The following C11orf65 variants were observed in gnomAD, a reference collection of about 807,000 sequenced individuals.
C11orf65 encodes the protein chromosome 11 open reading frame 65, also known as protein MFI.
A neutral mutation model predicts 35.3 loss-of-function variants in C11orf65; 38 were observed. The observed-to-expected ratio is 1.08, with a 90% CI of 0.83 to 1.41. The LOEUF (loss-of-function observed/expected upper bound fraction) is 1.41. C11orf65 is among the 40% of genes most tolerant of loss of function. C11orf65 has a pLI of 0.00. For synonymous variants in C11orf65, 105 were observed against 114.4 expected (o/e 0.92, Z 0.53); for missense variants, 370 against 367.1 (o/e 1.01, Z -0.06).
rs2085314349 is a variant in C11orf65, at chr11:108,322,577, T to C, written c.641-13506A>G. Among the ~76,000 whole-genome samples, 3 of 152,344 alleles carry C rather than the reference T, an allele frequency of 2.0e-5. No homozygotes were observed. In the South Asian group the frequency reaches 6.2e-4, roughly 32 times the overall value. ...GCTTCTTATAATGGTGAGAGGGAAA[T>C]GATCCAGGGATTTTGGAAGATGAAA... On this transcript the variant is annotated intron_variant, in intron 6 of 6. Transcript: ENST00000525729.
At chr11:108,317,232 C>T (rs1421594148) in intron 6 of C11orf65, 4 of 818,318 alleles carry the variant, frequency 4.9e-6, no homozygotes, top group Non-Finnish European at 5.8e-6. Context: ...AGCCACCACA[C>T]CCAGCTGATA....
downstream of C11orf65, among the ~76,000 whole-genome samples, chr11:108,380,900 G>A (rs1009204330): frequency 6.6e-6 from 1 of 152,146 alleles, no homozygotes; most frequent in African/African-American, 2.4e-5. Flanking sequence ...TAAAATGCAT[G>A]ATTTACTATT....
At chr11:108,329,620 A>G (rs2086052121), downstream of C11orf65, among the ~76,000 whole-genome samples, 1 of 152,142 alleles carries the variant, frequency 6.6e-6, no homozygotes, top group South Asian at 2.1e-4. Flanking sequence ...CATGTTGCCC[A>G]GGTTGGTCTC....
chr11:108,322,944 TAA>T (rs2085340944), intron 6 of C11orf65, among the ~76,000 whole-genome samples: 1 of 151,958 alleles, frequency 6.6e-6, no homozygotes, highest in Admixed American at 6.6e-5. Context: ...GATGACAAAG[TAA>T]AGTGTTTTGG....
chr11:108,410,778 G>C (rs2092641471), intron 3 of C11orf65, among the ~76,000 whole-genome samples: 1 of 145,058 alleles, frequency 6.9e-6, no homozygotes, highest in Non-Finnish European at 1.5e-5. Flanking sequence ...GCCTGATCTT[G>C]GCTCACTGAA....
intron 2 of C11orf65, among the ~76,000 whole-genome samples, chr11:108,450,444 A>G (rs2093330896): frequency 6.6e-6 from 1 of 151,832 alleles, no homozygotes; most frequent in African/African-American, 2.4e-5. Flanking sequence ...CTATGCAGCC[A>G]TAAAAAATGA....
At chr11:108,424,962 A>G (rs1320941628) in intron 3 of C11orf65, among the ~76,000 whole-genome samples, 1 of 152,234 alleles carries the variant, frequency 6.6e-6, no homozygotes, top group Non-Finnish European at 1.5e-5. Flanking sequence ...ACCAATGAGA[A>G]CAAAGACACA....
At chr11:108,369,921 C>T (rs2091506759) in intron 2 of C11orf65, among the ~76,000 whole-genome samples, 1 of 152,102 alleles carries the variant, frequency 6.6e-6, no homozygotes, top group African/African-American at 2.4e-5. Context: ...GATGAACTGC[C>T]TGTACGTATT....
At chr11:108,381,270 T>G (rs1404723560), downstream of C11orf65, among the ~76,000 whole-genome samples, 2 of 152,182 alleles carry the variant, frequency 1.3e-5, no homozygotes, top group Admixed American at 1.3e-4. Context: ...GTGCTTCTTG[T>G]TCCTACAAGT....
chr11:108,388,379 T>C lies in C11orf65; in HGVS notation c.732-2404A>G, dbSNP rs2092065510. Among the ~76,000 whole-genome samples the C allele has an allele frequency of 2.0e-5, 3 of 152,356 alleles. No homozygotes were observed. In the South Asian group the frequency reaches 6.2e-4, roughly 32 times the overall value. On this transcript the variant is annotated intron_variant, in intron 7 of 8. Coordinates refer to ENST00000393084, the MANE Select transcript of C11orf65 (RefSeq NM_152587.5). Reference sequence around the variant, plus strand: ...GATGAAAGCACTACCATGCTGTTTATATCACAGAGCTCATCTTTCTCACGA... The same window carrying C: ...GATGAAAGCACTACCATGCTGTTTACATCACAGAGCTCATCTTTCTCACGA...
intron 2 of C11orf65, among the ~76,000 whole-genome samples, chr11:108,360,464 G>A (rs1400269400): frequency 8.0e-6 from 1 of 124,234 alleles, no homozygotes; most frequent in South Asian, 3.1e-4. Context: ...GCATCATTCT[G>A]ATACCAAAGC....
intron 6 of C11orf65, chr11:108,325,579 T>C: frequency 6.6e-7 from 1 of 1,508,650 alleles, no homozygotes; most frequent in Non-Finnish European, 9.1e-7. Flanking sequence ...ATCTTACCTC[T>C]TGACTTTCCT....
At chr11:108,447,180 A>C (rs1378591897) in intron 2 of C11orf65, among the ~76,000 whole-genome samples, 1 of 152,152 alleles carries the variant, frequency 6.6e-6, no homozygotes, top group Non-Finnish European at 1.5e-5. Context: ...ACACAATAAT[A>C]ATGGGAGACT....
In C11orf65 at chr11:108,438,152, A is replaced by C. The variant is rs1043236586; in HGVS notation, c.82-6314T>G. ...AGGGTTTCAAAACCATTCAATGAAGAGGACAGTATTTTCAACAAATGTATC... is the reference window on the plus strand; with the variant it reads ...AGGGTTTCAAAACCATTCAATGAAGCGGACAGTATTTTCAACAAATGTATC... On this transcript the variant is annotated intron_variant, in intron 2 of 8. Coordinates refer to ENST00000393084, the MANE Select transcript of C11orf65 (RefSeq NM_152587.5). 7.2e-5 allele frequency among the ~76,000 whole-genome samples: 11 copies of C among 152,326 alleles called. No homozygotes were observed. In the South Asian group the frequency reaches 1.7e-3, roughly 23 times the overall value.
At chr11:108,450,523 A>G (rs2093332320) in intron 2 of C11orf65, among the ~76,000 whole-genome samples, 1 of 150,436 alleles carries the variant, frequency 6.6e-6, no homozygotes, top group Non-Finnish European at 1.5e-5. Flanking sequence ...CTATGGCAAG[A>G]ACAAAAAACC....
intron 2 of C11orf65, among the ~76,000 whole-genome samples, chr11:108,374,823 A>G (rs1450212095): frequency 6.6e-6 from 1 of 152,264 alleles, no homozygotes; most frequent in African/African-American, 2.4e-5. Flanking sequence ...CCAAGGCTCG[A>G]AAACTACGTG....
chr11:108,310,434 A>AT, intron 6 of C11orf65: 1 of 988,466 alleles, frequency 1.0e-6, no homozygotes, highest in Non-Finnish European at 1.4e-6. Context: ...TTAGATAGAA[A>AT]TTTTGTTTTA....
At chr11:108,339,643 A>G (rs58937701) in intron 2 of C11orf65, among the ~76,000 whole-genome samples, 8,708 of 152,116 alleles carry the variant, frequency 0.057, 805 homozygotes, top group African/African-American at 0.2. Flanking sequence ...TTCTCCAACA[A>G]CCAACATCAC....
At chr11:108,443,770 A>C (rs1013554514) in intron 2 of C11orf65, among the ~76,000 whole-genome samples, 9 of 152,168 alleles carry the variant, frequency 5.9e-5, no homozygotes, top group African/African-American at 2.2e-4. Flanking sequence ...TTTGAAACCA[A>C]CCAGAACAAA....
Sources: allele counts gnomAD v4.1 joint callset (sites outside exome capture counted in the v4.1 genomes callset), GRCh38; gene constraint gnomAD v4.1.1; transcripts MANE v1.5; gene names NCBI Gene and HGNC (gene_info 2026-07-23, HGNC 2026-07-21).